SP140L: variants seen among roughly 807,000 people sequenced by gnomAD.
The protein encoded by SP140L is nuclear body protein SP140-like protein.
Under a neutral mutation model 84.3 loss-of-function variants are expected in SP140L, and 64 were observed. That is an observed-to-expected ratio of 0.76 (90% CI 0.62 to 0.94). The LOEUF (loss-of-function observed/expected upper bound fraction) is 0.94. SP140L is among the 40% of genes least tolerant of loss of function. The pLI is 0.00. For missense variants in SP140L, 628 were observed against 692.5 expected, an observed-to-expected ratio of 0.91 and a Z score of 1.05; for synonymous variants, 242 against 236.9, an observed-to-expected ratio of 1.02 and a Z score of -0.20.
At chr2:230,359,695 T>G (rs2149735822) in intron 4 of SP140L, among the ~76,000 whole-genome samples, 2 of 152,354 alleles carry the variant, frequency 1.3e-5, no homozygotes, top group South Asian at 4.1e-4. Flanking sequence ...ATGTATAGTT[T>G]CAGGCAAACA....
chr2:230,399,676 T>G (rs1575559765), intron 14 of SP140L: 1 of 154,406 alleles, frequency 6.5e-6, no homozygotes, highest in Non-Finnish European at 1.4e-5. Context: ...CATGGGGAAC[T>G]TATGGCCAAG....
chr2:230,370,896 T>C lies in SP140L; in HGVS notation c.524-12T>C, dbSNP rs1203012940. ...GAAAATGAGAAGTGTTCCTATGTCA[T>C]GTGTTTCTCAGGAGAAGTGCCAGAA... is the stretch of plus-strand genomic sequence containing the variant. On this transcript the variant is annotated splice_polypyrimidine_tract_variant and intron_variant, in intron 5 of 18. Transcript: ENST00000415673. The C allele has an allele frequency of 2.5e-6, 4 of 1,612,736 alleles. No individual in the cohort carries two copies. Among genetic ancestry groups the C allele is most frequent in the African/African-American group, 2.7e-5 (2 of 74,996 alleles).
At position 230,392,230 on chromosome 2, in the gene SP140L, G is replaced by A; in HGVS notation, c.1107+1G>A. The A allele has an allele frequency of 1.2e-6, 2 of 1,613,776 alleles. No homozygotes were observed. Among genetic ancestry groups the A allele is most frequent in the Non-Finnish European group, 1.7e-6 (2 of 1,179,888 alleles). Reference sequence around the variant, plus strand: ...GTGGCCCCTACGACGGCTGATGGAGGTATTCCAATGACAAGAGGCCAGACC... The same window carrying A: ...GTGGCCCCTACGACGGCTGATGGAGATATTCCAATGACAAGAGGCCAGACC... On this transcript the variant is annotated splice_donor_variant, in intron 12 of 18. Transcript: ENST00000415673. LOFTEE classifies it high-confidence loss of function.
intron 14 of SP140L, 24 bp downstream of exon 14, chr2:230,396,822 ACC>A: frequency 6.2e-7 from 1 of 1,612,966 alleles, no homozygotes; most frequent in Non-Finnish European, 8.5e-7. Context: ...CTGAACTACA[ACC>A]CCCAGAATAT....
intron 2 of SP140L, among the ~76,000 whole-genome samples, chr2:230,339,332 C>T (rs942707023): frequency 7.9e-5 from 12 of 151,628 alleles, no homozygotes; most frequent in East Asian, 5.8e-4. Context: ...TCTGTGGGAT[C>T]GGTGGTGACA....
Position 230,383,579 on chromosome 2 carries a change from A to C in SP140L, c.703+4A>C. The stretch of plus-strand genomic sequence containing the variant: ...CAGAAAAACAACCAACAAAATGGTA[A>C]GCAGGCAAAGTGAAGTAGTTACAGC... On this transcript the variant is annotated splice_donor_region_variant and intron_variant, in intron 8 of 18. Transcript: ENST00000415673. 6.3e-7 allele frequency: 1 copy of C among 1,599,096 alleles called. No homozygotes were observed. The highest frequency in any genetic ancestry group is 8.5e-7 in the Non-Finnish European group (1 of 1,172,606).
At chr2:230,364,127 A>G (rs2060801045) in intron 5 of SP140L, among the ~76,000 whole-genome samples, 1 of 152,116 alleles carries the variant, frequency 6.6e-6, no homozygotes, top group African/African-American at 2.4e-5. Context: ...TTTGCTTAAA[A>G]TTGCTTTGGC....
rs2061683001 is a variant in SP140L, at chr2:230,388,621, G to T, written c.847G>T (p.Val283Phe). 3 of 1,608,422 alleles carry T rather than the reference G, an allele frequency of 1.9e-6. No homozygotes were observed. The highest frequency in any genetic ancestry group is 1.7e-6 in the Non-Finnish European group (2 of 1,177,984). Residue 283 changes from valine (V) to phenylalanine (F), a missense_variant, in exon 10 of 19, where the codon GTC becomes TTC. By Grantham distance (50) the Val-to-Phe change is conservative. This residue lies in a region of SP140L where 525 missense variants were observed against 518.4 expected (regional missense o/e 1.01). Transcript: ENST00000415673. The part of the protein sequence containing the change: ...TQSDRAPQKR[V>F]RSRASRKHKD... ...GAGTGACAGAGCTCCACAGAAAAGAGTCCGATCAAGAGGTAAAAAAGAAAA... is the reference window on the plus strand; with the variant it reads ...GAGTGACAGAGCTCCACAGAAAAGATTCCGATCAAGAGGTAAAAAAGAAAA...
intron 3 of SP140L, among the ~76,000 whole-genome samples, chr2:230,358,185 AC>A (rs1228104030): frequency 6.6e-6 from 1 of 152,232 alleles, no homozygotes; most frequent in Non-Finnish European, 1.5e-5. Context: ...CCATAAATGT[AC>A]AATGTTTTGT....
intron 2 of SP140L, among the ~76,000 whole-genome samples, chr2:230,341,901 C>A (rs2060055746): frequency 6.6e-6 from 1 of 152,070 alleles, no homozygotes; most frequent in African/African-American, 2.4e-5. Flanking sequence ...TCAAAGCTGT[C>A]AGACAGGGAC....
chr2:230,366,365 T>TTATATCTTATATATTAGATCA (rs1270528811), intron 5 of SP140L, among the ~76,000 whole-genome samples: 1 of 152,160 alleles, frequency 6.6e-6, no homozygotes, highest in Non-Finnish European at 1.5e-5. Context: ...TGCTTCATCA[T>TTATATCTTATATATTAGATCA]TATATAATGA....
intron 14 of SP140L, among the ~76,000 whole-genome samples, chr2:230,399,139 A>G (rs190778356): frequency 3.5e-4 from 53 of 152,344 alleles, no homozygotes; most frequent in Admixed American, 2.4e-3. Flanking sequence ...GTTCTTTGTC[A>G]TGAATACACT....
chr2:230,328,766 C>T lies in SP140L; in HGVS notation c.42C>T (p.Asn14=), dbSNP rs375550624. 1.7e-5 allele frequency: 27 copies of T among 1,612,514 alleles called. No homozygotes were observed. The highest frequency in any genetic ancestry group is 1.3e-4 in the South Asian group (12 of 90,864). Residue 14 remains asparagine, a synonymous_variant, in exon 2 of 19, where the codon AAC becomes AAT. Coordinates refer to ENST00000415673, the MANE Select transcript of SP140L (RefSeq NM_138402.6). ...GGSDLSTRGL[N]GGVSQVANEM... ...CAAATTGTCTTTTTAGGGGGCTGAA[C>T]GGAGGTGTTTCACAAGTAGCAAATG... is the stretch of plus-strand genomic sequence containing the variant.
chr2:230,393,271 G>A, intron 12 of SP140L, 143 bp from the exon 13 acceptor site: 1 of 823,174 alleles, frequency 1.2e-6, no homozygotes, highest in Non-Finnish European at 1.9e-6. Flanking sequence ...TGAAGACAGG[G>A]AGATGGTTTC....
At position 230,359,011 on chromosome 2, in the gene SP140L, G is replaced by A. The variant is rs1444507146; in HGVS notation, c.318G>A (p.Val106=). 3 of 1,612,886 alleles carry A rather than the reference G, an allele frequency of 1.9e-6. No individual in the cohort carries two copies. The highest frequency in any genetic ancestry group is 1.7e-4 in the Middle Eastern group (1 of 6,052). The stretch of plus-strand genomic sequence containing the variant: ...ACCTGGTCCCTGTACAAAGAGTGGT[G>A]TACAATGTTCTCAGTGAACTGGAGA... ...CRNLVPVQRV[V]YNVLSELEKT... The change falls in exon 4 of 19, where the codon GTG becomes GTA. Residue 106 remains valine, a synonymous_variant. Transcript: ENST00000415673.
At chr2:230,356,152 A>G (rs925895716) in intron 2 of SP140L, among the ~76,000 whole-genome samples, 1 of 152,226 alleles carries the variant, frequency 6.6e-6, no homozygotes. Flanking sequence ...GGCTAAAACT[A>G]GAAAGGCCAT....
Position 230,347,981 on chromosome 2 carries a change from A to T in SP140L, c.108-9824A>T, listed in dbSNP as rs78254371. 1.8e-3 allele frequency among the ~76,000 whole-genome samples: 271 copies of T among 152,316 alleles called. 2 individuals carry two copies. The East Asian group carries it at 0.024, about 14-fold the overall frequency. On this transcript the variant is annotated intron_variant, in intron 2 of 18. Transcript: ENST00000415673. Reference sequence around the variant, plus strand: ...CACTTCTTCATTTCTGGTCAAACACAGGTGGTCTAGCCCCACTGATTTCCT... The same window carrying T: ...CACTTCTTCATTTCTGGTCAAACACTGGTGGTCTAGCCCCACTGATTTCCT...
intron 7 of SP140L, among the ~76,000 whole-genome samples, chr2:230,380,611 G>T (rs1221943118): frequency 6.6e-6 from 1 of 152,134 alleles, no homozygotes; most frequent in Non-Finnish European, 1.5e-5. Context: ...ACCCTGGAAA[G>T]GTTCCTTATA....
chr2:230,338,888 T>A (rs1005495165), intron 2 of SP140L, among the ~76,000 whole-genome samples: 1 of 142,776 alleles, frequency 7.0e-6, no homozygotes, highest in African/African-American at 2.7e-5. Context: ...TGCTGCTGGA[T>A]TCGTTTTGCC....
Sources: allele counts gnomAD v4.1 joint callset (sites outside exome capture counted in the v4.1 genomes callset), GRCh38; gene constraint gnomAD v4.1.1; regional missense constraint gnomAD v4.1.1; transcripts MANE v1.5; gene names NCBI Gene and HGNC (gene_info 2026-07-23, HGNC 2026-07-21).